Variants in VPS13A observed in about 807,000 individuals in gnomAD.
VPS13A encodes the protein vacuolar protein sorting 13 homolog A.
Under a neutral mutation model 390.9 loss-of-function variants are expected in VPS13A, and 264 were observed. The observed-to-expected ratio is 0.68, with a 90% CI of 0.61 to 0.75. The LOEUF (loss-of-function observed/expected upper bound fraction) is 0.75, where lower values mean the gene tolerates loss of function less well. Among genes scored for constraint, VPS13A ranks in the 30% least tolerant of loss-of-function variants. The probability of loss-of-function intolerance (pLI) is 0.00; values close to 1 mark genes in which losing one functional copy is unlikely to be tolerated. For missense variants in VPS13A, 3,409 were observed against 3,733.9 expected, an observed-to-expected ratio of 0.91 and a Z score of 2.27; for synonymous variants, 1,231 against 1,227.1, an observed-to-expected ratio of 1.00 and a Z score of -0.07.
At chr9:77,210,473 A>G in intron 6 of VPS13A, 143 bp from the exon 7 acceptor site, 2 of 739,228 alleles carry the variant, frequency 2.7e-6, no homozygotes, top group Non-Finnish European at 4.7e-6. Flanking sequence ...TGGTCTCCAG[A>G]GCTCAAGCAG....
chr9:77,220,442 T>C (rs1477123370), intron 12 of VPS13A, 59 bp downstream of exon 12: 1 of 1,167,292 alleles, frequency 8.6e-7, no homozygotes, highest in African/African-American at 1.6e-5. Context: ...AAAAATAAAT[T>C]TCTCGACTTC....
At chr9:77,263,591 T>C (rs1196021654) in intron 23 of VPS13A, among the ~76,000 whole-genome samples, 1 of 152,204 alleles carries the variant, frequency 6.6e-6, no homozygotes, top group Non-Finnish European at 1.5e-5. Flanking sequence ...TTGATGGGGT[T>C]GTTGGTTTCT....
intron 1 of VPS13A, among the ~76,000 whole-genome samples, chr9:77,197,986 A>G (rs1825101619): frequency 6.6e-6 from 1 of 152,180 alleles, no homozygotes; most frequent in South Asian, 2.1e-4. Context: ...TTCAGTGAAA[A>G]TACAGTGTGT....
At chr9:77,387,883 CTGT>C (rs1833754242) in intron 68 of VPS13A, among the ~76,000 whole-genome samples, 1 of 59,788 alleles carries the variant, frequency 1.7e-5, no homozygotes, top group Non-Finnish European at 4.0e-5. Flanking sequence ...GTGAAAAATA[CTGT>C]TGTTTCTGTG....
intron 22 of VPS13A, among the ~76,000 whole-genome samples, chr9:77,258,363 A>G (rs1825568889): frequency 6.6e-6 from 1 of 152,180 alleles, no homozygotes; most frequent in Non-Finnish European, 1.5e-5. Flanking sequence ...CTTTTCCTAT[A>G]TGGTACATGG....
intron 14 of VPS13A, among the ~76,000 whole-genome samples, 188 bp downstream of exon 14, chr9:77,226,176 G>GA (rs1435700801): frequency 4.6e-5 from 7 of 151,918 alleles, no homozygotes; most frequent in Non-Finnish European, 5.9e-5. Flanking sequence ...ATTTCTATGG[G>GA]AAAAAATCTT....
At chr9:77,298,630 A>G (rs1489684578) in intron 33 of VPS13A, among the ~76,000 whole-genome samples, 1 of 152,180 alleles carries the variant, frequency 6.6e-6, no homozygotes, top group Non-Finnish European at 1.5e-5. Flanking sequence ...GACCGAAGGT[A>G]GTGGAACAGG....
In VPS13A at chr9:77,321,683, A is replaced by T. The variant is rs1829757965; in HGVS notation, c.5767A>T (p.Lys1923Ter). Residue 1923 changes from lysine (K) to a stop codon, truncating the protein, a stop_gained, in exon 44 of 72, where the codon AAG becomes TAG. Transcript: ENST00000360280. LOFTEE classifies it high-confidence loss of function. ...TTTAAGTATGGATTATATCCGAACC[A>T]AGGACAATGATCATTTCAATGCAAT... ...ESLSMDYIRT[K>*]DNDHFNAMTS... 6.2e-7 allele frequency: 1 copy of T among 1,613,232 alleles called. No individual in the cohort carries two copies.
chr9:77,177,885 G>C, intron 1 of VPS13A, 81 bp downstream of exon 1: 3 of 1,309,486 alleles, frequency 2.3e-6, no homozygotes, highest in East Asian at 2.5e-5. Context: ...CTGCGTTCTC[G>C]GGGCTTCGAG....
Position 77,344,179 on chromosome 9 carries a change from T to C in VPS13A, c.7053T>C (p.Ala2351=), listed in dbSNP as rs139753431. ...EQCIPFWPEY[A]SSKLLIQVER... ...GTATCCCCTTTTGGCCTGAGTATGC[T>C]TCTAGTAAACTTCTTATTCAAGTCG... The change falls in exon 51 of 72, where the codon GCT becomes GCC. Residue 2351 remains alanine (A), a synonymous_variant. Coordinates refer to ENST00000360280, the MANE Select transcript of VPS13A (RefSeq NM_033305.3). The C allele has an allele frequency of 1.1e-3, 1,780 of 1,609,510 alleles. 26 individuals are homozygous for C. In the African/African-American group the frequency reaches 0.021, roughly 19 times the overall value.
At chr9:77,228,067 GT>G (rs1311834715) in intron 16 of VPS13A, 54 bp from the exon 17 acceptor site, 1 of 1,262,486 alleles carries the variant, frequency 7.9e-7, no homozygotes, top group Non-Finnish European at 1.1e-6. Flanking sequence ...AAGAATATTT[GT>G]TATGCTTATA....
intron 1 of VPS13A, among the ~76,000 whole-genome samples, chr9:77,178,550 A>G (rs926842365): frequency 3.3e-5 from 5 of 152,236 alleles, no homozygotes; most frequent in African/African-American, 1.2e-4. Context: ...CGAATTTTAA[A>G]GAAAAACCAG....
intron 15 of VPS13A, among the ~76,000 whole-genome samples, chr9:77,227,114 A>G (rs1373995743): frequency 6.6e-6 from 1 of 152,196 alleles, no homozygotes. Flanking sequence ...AAATGTGTTG[A>G]TTAGCACAGT....
intron 68 of VPS13A, among the ~76,000 whole-genome samples, chr9:77,387,117 G>C (rs2131623006): frequency 6.9e-6 from 1 of 144,792 alleles, no homozygotes; most frequent in East Asian, 2.1e-4. Flanking sequence ...AAAAAAACTT[G>C]AATTTTTCTC....
chr9:77,185,924 C>G (rs1023378200), intron 1 of VPS13A, among the ~76,000 whole-genome samples: 1 of 152,072 alleles, frequency 6.6e-6, no homozygotes, highest in East Asian at 1.9e-4. Flanking sequence ...GTTAAGAGTA[C>G]GAGACCTGCC....
rs1045929362 is a variant in VPS13A at position 77,419,271 on chromosome 9, C to T, written c.*3265C>T. 6 of 151,934 alleles carry T rather than the reference C, an allele frequency of 3.9e-5. No individual in the cohort carries two copies. Among genetic ancestry groups the T allele is most frequent in the Admixed American group, 6.6e-5 (1 of 15,250 alleles). 9.4% of individuals were successfully genotyped at this position (151,934 alleles called of 1,614,324 possible). ...CAGCTCAAGACCAGTATATTTTAAACGTGAAATAATAAAAAATAGAGGAAC... is the reference window on the plus strand; with the variant it reads ...CAGCTCAAGACCAGTATATTTTAAATGTGAAATAATAAAAAATAGAGGAAC... On this transcript the variant is annotated 3_prime_UTR_variant, in exon 72 of 72. Coordinates refer to ENST00000360280, the MANE Select transcript of VPS13A (RefSeq NM_033305.3).
At position 77,340,172 on chromosome 9, in the gene VPS13A, T is replaced by C. The variant is rs1429784694; in HGVS notation, c.6775-6T>C. The C allele has an allele frequency of 6.2e-7, 1 of 1,611,428 alleles. No individual in the cohort carries two copies. Among genetic ancestry groups the C allele is most frequent in the Non-Finnish European group, 8.5e-7 (1 of 1,178,260 alleles). ...TTGTGATGTATTTGGAATATTTTTT[T>C]CCTAGGTTCAACTTATGGTAACTGA... On this transcript the variant is annotated splice_region_variant and splice_polypyrimidine_tract_variant and intron_variant, in intron 48 of 71. Coordinates refer to ENST00000360280, the MANE Select transcript of VPS13A (RefSeq NM_033305.3).
chr9:77,194,619 C>T (rs1824881622), intron 1 of VPS13A, among the ~76,000 whole-genome samples: 1 of 152,132 alleles, frequency 6.6e-6, no homozygotes, highest in Non-Finnish European at 1.5e-5. Flanking sequence ...GTCATGGAGC[C>T]TCCTTCAGCT....
At chr9:77,291,155 T>A (rs779498747) in intron 31 of VPS13A, among the ~76,000 whole-genome samples, 7 of 152,128 alleles carry the variant, frequency 4.6e-5, no homozygotes, top group Non-Finnish European at 1.0e-4. Flanking sequence ...TCCTGTCAGA[T>A]CAGTGGGGGC....
Sources: allele counts gnomAD v4.1 joint callset (sites outside exome capture counted in the v4.1 genomes callset), GRCh38; gene constraint gnomAD v4.1.1; transcripts MANE v1.5; gene names NCBI Gene and HGNC (gene_info 2026-07-23, HGNC 2026-07-21).